The following CERKL variants were observed in gnomAD, a reference collection of about 807,000 sequenced individuals.
The protein encoded by CERKL is ceramide kinase-like protein.
Under a neutral mutation model 63.4 loss-of-function variants are expected in CERKL, and 61 were observed. The observed-to-expected ratio is 0.96, with a 90% CI of 0.78 to 1.19. CERKL has a LOEUF of 1.19. Among genes scored for constraint, CERKL ranks in the 50% most tolerant of loss-of-function variants. The pLI, the probability that CERKL is intolerant of heterozygous loss-of-function variation, is 0.00. For missense variants in CERKL, 675 were observed against 655.5 expected (o/e 1.03, Z -0.33); for synonymous variants, 250 against 230.5 (o/e 1.08, Z -0.77).
chr2:181,584,187 A>G (rs905016210), intron 2 of CERKL, among the ~76,000 whole-genome samples: 4 of 152,182 alleles, frequency 2.6e-5, no homozygotes, highest in African/African-American at 9.6e-5. Context: ...ATAACAGAAT[A>G]TTCATGTAAT....
intron 1 of CERKL, among the ~76,000 whole-genome samples, chr2:181,630,659 A>G (rs1243943185): frequency 6.6e-6 from 1 of 152,134 alleles, no homozygotes; most frequent in Non-Finnish European, 1.5e-5. Flanking sequence ...CCTCTTCAGA[A>G]ACCAACCCCA....
intron 2 of CERKL, among the ~76,000 whole-genome samples, chr2:181,582,516 C>CATATATATATATATATATATATATAT (rs59483712): frequency 3.5e-5 from 5 of 142,896 alleles, no homozygotes; most frequent in African/African-American, 1.3e-4. Context: ...ATATTGTCAA[C>CATATATATATATATATATATATATAT]ATATATATAT....
At chr2:181,560,234 T>C (rs1688379799) in intron 4 of CERKL, among the ~76,000 whole-genome samples, 1 of 152,186 alleles carries the variant, frequency 6.6e-6, no homozygotes, top group Non-Finnish European at 1.5e-5. Flanking sequence ...TGCTGACATA[T>C]GGGTGTGACC....
In CERKL at chr2:181,623,328, A is replaced by G. The variant is rs1686537989; in HGVS notation, c.239-19249T>C. On this transcript the variant is annotated intron_variant, in intron 1 of 12. Coordinates refer to ENST00000410087, the MANE Select transcript of CERKL (RefSeq NM_201548.5). The stretch of plus-strand genomic sequence containing the variant: ...CAAATCAATAATAGATCAATAAAAC[A>G]GAGTTCAACCAGTTAGGCTACCAGG... Among the ~76,000 whole-genome samples the G allele has an allele frequency of 2.0e-5, 3 of 152,228 alleles. No homozygotes were observed. In the South Asian group the frequency reaches 6.2e-4, roughly 31 times the overall value.
At chr2:181,556,610 A>G (rs1688217284) in intron 5 of CERKL, among the ~76,000 whole-genome samples, 1 of 152,284 alleles carries the variant, frequency 6.6e-6, no homozygotes, top group Non-Finnish European at 1.5e-5. Context: ...TCCATGGTGT[A>G]TATATGCCAC....
chr2:181,604,153 C>G, intron 1 of CERKL, 74 bp from the exon 2 acceptor site: 1 of 1,258,288 alleles, frequency 7.9e-7, no homozygotes, highest in Non-Finnish European at 1.1e-6. Context: ...TGGGGCTTAC[C>G]AGAGGGTAGA....
intron 1 of CERKL, among the ~76,000 whole-genome samples, chr2:181,639,755 G>A (rs1687340972): frequency 6.6e-6 from 1 of 152,152 alleles, no homozygotes; most frequent in Non-Finnish European, 1.5e-5. Flanking sequence ...TTACTGGTAT[G>A]ACCTTGGGCA....
At chr2:181,571,474 A>G (rs544909726) in intron 3 of CERKL, among the ~76,000 whole-genome samples, 29 of 152,248 alleles carry the variant, frequency 1.9e-4, no homozygotes, top group South Asian at 4.1e-4. Flanking sequence ...CAGGCCTTGT[A>G]TATCAGTTTT....
rs367705339 is a variant in CERKL at position 181,656,750 on chromosome 2, C to T, written c.238+19G>A. ...GGAAGCGCGGAGGGAGGCGAAGACG[C>T]TTGGGGCCGGGCACTCACCCGCCGG... On this transcript the variant is annotated intron_variant, in intron 1 of 12. Coordinates refer to ENST00000410087, the MANE Select transcript of CERKL (RefSeq NM_201548.5). 16 of 1,577,414 alleles carry T rather than the reference C, an allele frequency of 1.0e-5. No homozygotes were observed. The African/African-American group carries it at 1.2e-4, about 12-fold the overall frequency.
At position 181,539,169 on chromosome 2, in the gene CERKL, ATCC is replaced by A. The variant is rs750109553; in HGVS notation, c.1458_1460del (p.Glu486del). On this transcript the variant is annotated inframe_deletion, in exon 12 of 13. Coordinates refer to ENST00000410087, the MANE Select transcript of CERKL (RefSeq NM_201548.5). ...GGAAACAATTTTCTGAAGCAGTTTC[ATCC>A]TCCTCCTCCTCTGGATTATATCCAC... is the stretch of plus-strand genomic sequence containing the variant. 7.1e-5 allele frequency: 114 copies of A among 1,606,582 alleles called. No homozygotes were observed. In the East Asian group the frequency reaches 1.3e-3, roughly 18 times the overall value.
intron 1 of CERKL, among the ~76,000 whole-genome samples, chr2:181,612,254 G>C (rs9789738): frequency 0.37 from 56,456 of 151,974 alleles, 13,803 homozygotes; most frequent in African/African-American, 0.69. Context: ...CACTAACCCT[G>C]TCATCTGTTT....
chr2:181,595,910 A>G (rs772257063), intron 2 of CERKL, among the ~76,000 whole-genome samples: 2 of 152,204 alleles, frequency 1.3e-5, no homozygotes, highest in African/African-American at 2.4e-5. Flanking sequence ...CTATCAAAAA[A>G]TGGAACCTAC....
At chr2:181,592,475 A>G (rs1041808902) in intron 2 of CERKL, among the ~76,000 whole-genome samples, 1 of 152,152 alleles carries the variant, frequency 6.6e-6, no homozygotes, top group African/African-American at 2.4e-5. Context: ...ATTGGCACCT[A>G]TCACTTTTTG....
At chr2:181,645,803 T>A (rs1352564116) in intron 1 of CERKL, among the ~76,000 whole-genome samples, 3 of 152,202 alleles carry the variant, frequency 2.0e-5, no homozygotes, top group Non-Finnish European at 4.4e-5. Flanking sequence ...AAAATTCTTC[T>A]CAAGTTACTC....
intron 2 of CERKL, among the ~76,000 whole-genome samples, chr2:181,579,161 T>C (rs538426281): frequency 6.6e-6 from 1 of 152,104 alleles, no homozygotes; most frequent in South Asian, 2.1e-4. Flanking sequence ...GATAAGTTAA[T>C]TGAGATAATT....
Position 181,544,767 on chromosome 2 carries a change from A to G in CERKL, c.1298T>C (p.Ile433Thr). The G allele has an allele frequency of 6.2e-7, 1 of 1,606,136 alleles. No individual in the cohort carries two copies. Among genetic ancestry groups the G allele is most frequent in the Non-Finnish European group, 8.5e-7 (1 of 1,174,214 alleles). Residue 433 changes from isoleucine (I) to threonine (T), a missense_variant, in exon 11 of 13, where the codon ATT becomes ACT. Transcript: ENST00000410087. ...TTCTGGCCGAGAAGTGTTTCGGGCAATTATAAGAGCCATACTTCCATTATT... is the reference window on the plus strand; with the variant it reads ...TTCTGGCCGAGAAGTGTTTCGGGCAGTTATAAGAGCCATACTTCCATTATT... ...RLNNGSMALI[I>T]ARNTSRPEFI...
At chr2:181,544,848 C>T in intron 10 of CERKL, 52 bp from the exon 11 acceptor site, 1 of 1,094,890 alleles carries the variant, frequency 9.1e-7, no homozygotes, top group Non-Finnish European at 1.4e-6. Flanking sequence ...AGAGATTATA[C>T]CAAAAATTAT....
At chr2:181,642,657 T>C (rs1303410600) in intron 1 of CERKL, among the ~76,000 whole-genome samples, 1 of 152,168 alleles carries the variant, frequency 6.6e-6, no homozygotes, top group Non-Finnish European at 1.5e-5. Flanking sequence ...AAACATAACA[T>C]GAAATTTGTA....
chr2:181,607,844 G>A (rs903607872), intron 1 of CERKL, among the ~76,000 whole-genome samples: 5 of 152,194 alleles, frequency 3.3e-5, no homozygotes, highest in African/African-American at 1.2e-4. Context: ...CCACACGGGG[G>A]TGTTACTGGG....
Sources: allele counts gnomAD v4.1 joint callset (sites outside exome capture counted in the v4.1 genomes callset), GRCh38; gene constraint gnomAD v4.1.1; transcripts MANE v1.5; gene names NCBI Gene and HGNC (gene_info 2026-07-23, HGNC 2026-07-21).